The following XPR1 variants were observed in gnomAD, a reference collection of about 807,000 sequenced individuals.
XPR1 encodes xenotropic and polytropic retrovirus receptor 1, also known as solute carrier family 53 member 1.
A neutral mutation model predicts 87.5 loss-of-function variants in XPR1; 28 were observed. That is an observed-to-expected ratio of 0.32 (90% CI 0.24 to 0.44). XPR1 has a LOEUF of 0.44. XPR1 is among the 20% of genes least tolerant of loss of function. The pLI, the probability that XPR1 is intolerant of heterozygous loss-of-function variation, is 1.00. For missense variants in XPR1, 559 were observed against 862.3 expected (o/e 0.65, Z 4.41); for synonymous variants, 300 against 306.1 (o/e 0.98, Z 0.21).
At chr1:180,784,629 A>G (rs1649065299) in intron 2 of XPR1, among the ~76,000 whole-genome samples, 1 of 151,888 alleles carries the variant, frequency 6.6e-6, no homozygotes, top group African/African-American at 2.4e-5. Context: ...CCCCATGTGG[A>G]ATTATTGAAA....
chr1:180,769,571 T>TA (rs1364833160), intron 2 of XPR1, among the ~76,000 whole-genome samples: 2 of 152,040 alleles, frequency 1.3e-5, no homozygotes, highest in Non-Finnish European at 2.9e-5. Flanking sequence ...TTGTGTAACA[T>TA]AATGATCTCC....
At chr1:180,654,550 C>G (rs1655389755) in intron 1 of XPR1, among the ~76,000 whole-genome samples, 1 of 152,138 alleles carries the variant, frequency 6.6e-6, no homozygotes, top group South Asian at 2.1e-4. Flanking sequence ...ACTCTTTCCT[C>G]TTAAACAACA....
In XPR1 at chr1:180,637,216, CAG is replaced by C. The variant is rs1654813148; in HGVS notation, c.69+4948_69+4949del. ...TCATGCACAGGTATACTGAAGAAAA[CAG>C]AAGGATTGCCAGTGGCTTTTTCACT... On this transcript the variant is annotated intron_variant, in intron 1 of 14. Transcript: ENST00000367590. Among the ~76,000 whole-genome samples, 11 of 152,268 alleles carry C rather than the reference CAG, an allele frequency of 7.2e-5. No homozygotes were observed. In the South Asian group the frequency reaches 2.3e-3, roughly 32 times the overall value.
At chr1:180,639,078 C>T (rs1463195766) in intron 1 of XPR1, among the ~76,000 whole-genome samples, 1 of 152,134 alleles carries the variant, frequency 6.6e-6, no homozygotes, top group Non-Finnish European at 1.5e-5. Context: ...AGGCAGATCG[C>T]CTGAGATCAG....
intron 7 of XPR1, among the ~76,000 whole-genome samples, chr1:180,821,482 A>T (rs893425913): frequency 1.3e-5 from 2 of 152,202 alleles, no homozygotes; most frequent in Non-Finnish European, 2.9e-5. Context: ...ATGACAAAGT[A>T]TGAGTCCCTA....
At chr1:180,820,926 A>G (rs891352155) in intron 7 of XPR1, among the ~76,000 whole-genome samples, 2 of 151,762 alleles carry the variant, frequency 1.3e-5, no homozygotes, top group Non-Finnish European at 2.9e-5. Context: ...TCATTGTTCC[A>G]TTGTTAAGTT....
intron 2 of XPR1, among the ~76,000 whole-genome samples, chr1:180,698,903 G>A (rs1174904383): frequency 2.0e-5 from 3 of 151,944 alleles, no homozygotes; most frequent in Admixed American, 6.6e-5. Context: ...TACTTGATAC[G>A]TGACTTGACA....
chr1:180,786,756 C>T (rs867503297), intron 2 of XPR1, among the ~76,000 whole-genome samples: 1 of 152,212 alleles, frequency 6.6e-6, no homozygotes. Flanking sequence ...CACCACATGG[C>T]AGCAACTAGA....
At chr1:180,738,807 C>G (rs139386279) in intron 2 of XPR1, among the ~76,000 whole-genome samples, 1 of 152,108 alleles carries the variant, frequency 6.6e-6, no homozygotes, top group Non-Finnish European at 1.5e-5. Context: ...TTGTGACTTG[C>G]AAACATTTTG....
intron 2 of XPR1, among the ~76,000 whole-genome samples, chr1:180,698,652 T>A (rs1347306526): frequency 1.3e-5 from 2 of 152,228 alleles, no homozygotes; most frequent in Non-Finnish European, 2.9e-5. Context: ...ATTCTTTAGC[T>A]TTCAGATGTA....
chr1:180,865,061 T>C (rs772841469), intron 12 of XPR1, among the ~76,000 whole-genome samples: 14 of 152,186 alleles, frequency 9.2e-5, no homozygotes, highest in Non-Finnish European at 1.9e-4. Context: ...ATGTGTAATA[T>C]TCAATTGGTA....
intron 1 of XPR1, among the ~76,000 whole-genome samples, chr1:180,654,289 A>G (rs1557940073): frequency 6.6e-6 from 1 of 152,124 alleles, no homozygotes; most frequent in Admixed American, 6.5e-5. Flanking sequence ...CTAGAGAGCA[A>G]TAATCCTCAG....
chr1:180,885,336 T>C lies in XPR1; in HGVS notation c.*1270T>C, dbSNP rs775626763. On this transcript the variant is annotated 3_prime_UTR_variant, in exon 15 of 15. Coordinates refer to ENST00000367590, the MANE Select transcript of XPR1 (RefSeq NM_004736.4). ...TCCCAGCAGTTTTAAAGGATGAACA[T>C]TGGATTTCATGCCATCCCATAGAAA... The C allele has an allele frequency of 3.9e-5, 6 of 152,656 alleles. No homozygotes were observed. Among genetic ancestry groups the C allele is most frequent in the Non-Finnish European group, 5.9e-5 (4 of 68,040 alleles). 9.5% of individuals were successfully genotyped at this position (152,656 alleles called of 1,614,324 possible). A position where few individuals can be genotyped will look rare whatever the true frequency, so the allele number is the denominator to read the frequency against.
At chr1:180,761,992 A>G (rs1648054296) in intron 2 of XPR1, among the ~76,000 whole-genome samples, 2 of 151,920 alleles carry the variant, frequency 1.3e-5, no homozygotes, top group South Asian at 2.1e-4. Flanking sequence ...GAAACTGGAA[A>G]CCATCATTCT....
At chr1:180,705,567 A>G (rs1171698276) in intron 2 of XPR1, among the ~76,000 whole-genome samples, 1 of 152,232 alleles carries the variant, frequency 6.6e-6, no homozygotes, top group African/African-American at 2.4e-5. Context: ...GGCCATTACA[A>G]CAAGAAAATG....
intron 11 of XPR1, among the ~76,000 whole-genome samples, chr1:180,855,234 G>T (rs1211785056): frequency 6.6e-6 from 1 of 152,126 alleles, no homozygotes; most frequent in East Asian, 1.9e-4. Context: ...CAGAATGAAA[G>T]ACAGTATAAG....
rs560024421 is a variant in XPR1 at position 180,761,968 on chromosome 1, G to A, written c.122-25785G>A. Among the ~76,000 whole-genome samples the A allele has an allele frequency of 1.5e-4, 23 of 152,180 alleles. No homozygotes were observed. In the East Asian group the frequency reaches 4.4e-3, roughly 29 times the overall value. ...AAAAAATGAAGAGTTCATGTCCTTT[G>A]TAGGGACATGGATGAAACTGGAAAC... is the stretch of plus-strand genomic sequence containing the variant. On this transcript the variant is annotated intron_variant, in intron 2 of 14. Coordinates refer to ENST00000367590, the MANE Select transcript of XPR1 (RefSeq NM_004736.4).
At position 180,779,801 on chromosome 1, in the gene XPR1, T is replaced by C. The variant is rs1648866216; in HGVS notation, c.122-7952T>C. The stretch of plus-strand genomic sequence containing the variant: ...TGTGCAGCCATCACCACTATCTAAT[T>C]CAAGAACATTTTCATCCCTCCCCGC... On this transcript the variant is annotated intron_variant, in intron 2 of 14. Coordinates refer to ENST00000367590, the MANE Select transcript of XPR1 (RefSeq NM_004736.4). Among the ~76,000 whole-genome samples the C allele has an allele frequency of 5.3e-5, 8 of 152,194 alleles. No homozygotes were observed. In the South Asian group the frequency reaches 1.7e-3, roughly 32 times the overall value.
chr1:180,807,961 G>A (rs1430902605), intron 6 of XPR1, among the ~76,000 whole-genome samples: 2 of 152,176 alleles, frequency 1.3e-5, no homozygotes, highest in South Asian at 2.1e-4. Flanking sequence ...CCGAGATCGC[G>A]CCACTGCACT....
Sources: allele counts gnomAD v4.1 joint callset (sites outside exome capture counted in the v4.1 genomes callset), GRCh38; gene constraint gnomAD v4.1.1; transcripts MANE v1.5; gene names NCBI Gene and HGNC (gene_info 2026-07-23, HGNC 2026-07-21).